XPO1: variants seen among roughly 807,000 people sequenced by gnomAD.
XPO1 encodes exportin-1.
In XPO1, 5 loss-of-function variants were observed where a neutral mutation model predicts 133.3. That is an observed-to-expected ratio of 0.04 (90% confidence interval 0.02 to 0.08). The LOEUF (loss-of-function observed/expected upper bound fraction) is 0.08. XPO1 is among the 10% of genes least tolerant of loss of function. XPO1 has a pLI of 1.00. For synonymous variants in XPO1, 419 were observed against 408.2 expected (o/e 1.03, Z -0.32); for missense variants, 506 against 1,267.5 (o/e 0.40, Z 9.12).
chr2:61,536,734 T>C (rs2104868561), intron 1 of XPO1: 1 of 152,538 alleles, frequency 6.6e-6, no homozygotes, highest in Middle Eastern at 3.4e-3. Flanking sequence ...GAGGAGGCAT[T>C]TAGACCAGGC....
rs913169526 is a variant in XPO1, at chr2:61,491,290, G to A, written c.1888-514C>T. ...AGCCTGACCAACATGGAGAAACCCC[G>A]TCTCTACTAAAAATAAAAAAATTAG... On this transcript the variant is annotated intron_variant, in intron 16 of 24. Transcript: ENST00000401558. Among the ~76,000 whole-genome samples the A allele has an allele frequency of 2.0e-5, 3 of 151,618 alleles. No homozygotes were observed. In the South Asian group the frequency reaches 6.2e-4, roughly 32 times the overall value.
chr2:61,503,477 TG>T (rs755990647), intron 4 of XPO1, among the ~76,000 whole-genome samples: 349 of 151,726 alleles, frequency 2.3e-3, no homozygotes, highest in Non-Finnish European at 3.9e-3. Context: ...CAGGCTGGAG[TG>T]CAGTGGCGCG....
intron 2 of XPO1, among the ~76,000 whole-genome samples, chr2:61,532,513 G>A (rs540007533): frequency 6.6e-5 from 10 of 151,830 alleles, no homozygotes; most frequent in Non-Finnish European, 1.2e-4. Flanking sequence ...TATCTAACCA[G>A]AAATCTACTG....
Position 61,478,713 on chromosome 2 carries a change from G to A in XPO1, c.*107C>T, listed in dbSNP as rs1558621721. The A allele has an allele frequency of 3.4e-6, 4 of 1,189,254 alleles. No homozygotes were observed. The highest frequency in any genetic ancestry group is 4.6e-6 in the Non-Finnish European group (4 of 870,712). 73.7% of individuals were successfully genotyped at this position (1,189,254 alleles called of 1,614,324 possible). A position where few individuals can be genotyped will look rare whatever the true frequency, so the allele number is the denominator to read the frequency against. ...AACACATAAGAAAAAGGGCCACTAG[G>A]TGACATTTTAATTTACAAATTGGCA... On this transcript the variant is annotated 3_prime_UTR_variant, in exon 25 of 25. Coordinates refer to ENST00000401558, the MANE Select transcript of XPO1 (RefSeq NM_003400.4).
At chr2:61,494,809 C>T (rs1274947849) in intron 11 of XPO1, 1 of 146,766 alleles carries the variant, frequency 6.8e-6, no homozygotes, top group Non-Finnish European at 1.5e-5. Context: ...TATATATATA[C>T]TTAAGTTTAT....
chr2:61,521,883 A>G (rs575136762), intron 4 of XPO1, among the ~76,000 whole-genome samples: 8 of 150,092 alleles, frequency 5.3e-5, no homozygotes, highest in South Asian at 2.1e-4. Flanking sequence ...CCCCACTGAT[A>G]CCCCTGTCCC....
At chr2:61,521,338 C>T (rs1408667267) in intron 4 of XPO1, among the ~76,000 whole-genome samples, 2 of 151,986 alleles carry the variant, frequency 1.3e-5, no homozygotes, top group African/African-American at 4.8e-5. Flanking sequence ...AAGGACAATA[C>T]TTAAAAGACA....
In XPO1 at chr2:61,518,417, AACACACAC is replaced by A. The variant is rs200566050; in HGVS notation, c.301+4186_301+4193del. On this transcript the variant is annotated intron_variant, in intron 4 of 24. Coordinates refer to ENST00000401558, the MANE Select transcript of XPO1 (RefSeq NM_003400.4). ...AAAAAAAACAAAAAACAAAAAACAA[AACACACAC>A]ACACACACACACACACACACACACA... Among the ~76,000 whole-genome samples, 709 of 124,494 alleles carry A rather than the reference AACACACAC, an allele frequency of 5.7e-3. 5 individuals are homozygous for A. Among genetic ancestry groups the A allele is most frequent in the African/African-American group, 0.02 (603 of 30,602 alleles). 81.7% of individuals were successfully genotyped at this position (124,494 alleles called of 152,430 possible).
At chr2:61,479,418 C>T (rs1488623065) in intron 24 of XPO1, among the ~76,000 whole-genome samples, 1 of 151,478 alleles carries the variant, frequency 6.6e-6, no homozygotes, top group Non-Finnish European at 1.5e-5. Flanking sequence ...CGCCACTGCT[C>T]TCCAGCCTGG....
intron 23 of XPO1, 39 bp downstream of exon 23, chr2:61,482,341 G>A (rs747584365): frequency 7.8e-6 from 12 of 1,542,876 alleles, no homozygotes; most frequent in East Asian, 4.7e-5. Context: ...CACTGTGCCC[G>A]ACCAGGAACA....
At chr2:61,490,437 G>T (rs1245255983) in intron 17 of XPO1, among the ~76,000 whole-genome samples, 1 of 152,010 alleles carries the variant, frequency 6.6e-6, no homozygotes, top group Non-Finnish European at 1.5e-5. Context: ...GGCCTCAGGT[G>T]ATCCGCCCGC....
intron 2 of XPO1, among the ~76,000 whole-genome samples, chr2:61,528,652 CAA>C (rs34466565): frequency 4.4e-4 from 52 of 117,066 alleles, no homozygotes; most frequent in East Asian, 7.3e-4. Flanking sequence ...GACTCCCTCT[CAA>C]AAAAAAAAAA....
chr2:61,504,640 TTG>T (rs1228459024), intron 4 of XPO1, among the ~76,000 whole-genome samples: 1 of 152,170 alleles, frequency 6.6e-6, no homozygotes, highest in Non-Finnish European at 1.5e-5. Context: ...GAAATTTTCG[TTG>T]AAAAGAAAAA....
intron 10 of XPO1, 141 bp from the exon 11 acceptor site, chr2:61,495,754 C>G: frequency 1.3e-6 from 1 of 770,424 alleles, no homozygotes; most frequent in Non-Finnish European, 1.8e-6. Context: ...TCACTGCAGC[C>G]TCCACCTCCT....
At chr2:61,490,205 T>TG (rs1696907630) in intron 17 of XPO1, among the ~76,000 whole-genome samples, 1 of 147,858 alleles carries the variant, frequency 6.8e-6, no homozygotes, top group Admixed American at 6.7e-5. Context: ...TTTCATTTAT[T>TG]TTTTTTTTTT....
At chr2:61,527,909 T>C (rs1698976298) in intron 2 of XPO1, among the ~76,000 whole-genome samples, 1 of 151,856 alleles carries the variant, frequency 6.6e-6, no homozygotes, top group African/African-American at 2.4e-5. Flanking sequence ...TGCCATTTCC[T>C]TCCTTTATTC....
chr2:61,514,292 T>C (rs1698246134), intron 4 of XPO1, among the ~76,000 whole-genome samples: 2 of 151,342 alleles, frequency 1.3e-5, no homozygotes, highest in Non-Finnish European at 2.9e-5. Flanking sequence ...AGAACAACAC[T>C]ACTCCACATG....
chr2:61,497,131 C>G, intron 9 of XPO1, 124 bp from the exon 10 acceptor site: 1 of 1,211,426 alleles, frequency 8.3e-7, no homozygotes, highest in Non-Finnish European at 1.1e-6. Context: ...AAAAACAGGC[C>G]AAGTGAATGA....
intron 4 of XPO1, among the ~76,000 whole-genome samples, chr2:61,510,877 G>A (rs1314667111): frequency 6.7e-6 from 1 of 148,260 alleles, no homozygotes; most frequent in Non-Finnish European, 1.5e-5. Context: ...GTTGAGGCTA[G>A]AGTTAAGCCA....
Sources: gnomAD v4.1 joint callset for allele counts (sites outside exome capture counted in the v4.1 genomes callset) on GRCh38, gnomAD v4.1.1 for gene constraint, MANE v1.5 for transcripts, NCBI Gene and HGNC (gene_info 2026-07-23, HGNC 2026-07-21) for gene names.